FN1: variants seen among roughly 807,000 people sequenced by gnomAD.
The protein encoded by FN1 is fibronectin 1.
FN1 carries 106 observed loss-of-function variants against 297.3 expected under a neutral mutation model. That is an observed-to-expected ratio of 0.36 (90% CI 0.30 to 0.42). FN1 has a LOEUF of 0.42. FN1 is among the 10% of genes least tolerant of loss of function. The probability of loss-of-function intolerance (pLI) is 1.00; values close to 1 mark genes in which losing one functional copy is unlikely to be tolerated. For missense variants in FN1, 2,690 were observed against 3,124.9 expected (o/e 0.86, Z 3.32); for synonymous variants, 1,149 against 1,152.6 (o/e 1.00, Z 0.06).
At chr2:215,380,442 C>A in intron 33 of FN1, 1 of 278,278 alleles carries the variant, frequency 3.6e-6, no homozygotes, top group Non-Finnish European at 6.9e-6. Context: ...TATGAAATGC[C>A]CGAGTTTGGG....
At chr2:215,378,384 C>T (rs2057686024) in intron 34 of FN1, 122 bp from the exon 35 acceptor site, 2 of 697,882 alleles carry the variant, frequency 2.9e-6, no homozygotes, top group African/African-American at 1.8e-5. Flanking sequence ...CAGCAAAACC[C>T]ACAACCTTGA....
At position 215,409,947 on chromosome 2, in the gene FN1, G is replaced by A. The variant is rs767612116; in HGVS notation, c.2109C>T (p.Ser703=). Residue 703 remains serine, a synonymous_variant, in exon 14 of 46, where the codon AGC becomes AGT. Transcript: ENST00000354785. ...TTGTGTACATACTGGTCACAGGTGT[G>A]CTGGTGCTGGTGGTGGTGAAGTCAA... ...TRFDFTTTST[S]TPVTSNTVTG... 5.6e-6 allele frequency: 9 copies of A among 1,613,838 alleles called. No individual in the cohort carries two copies. The South Asian group carries it at 8.8e-5, about 16-fold the overall frequency.
intron 5 of FN1, among the ~76,000 whole-genome samples, chr2:215,429,013 AAAAAC>A (rs202170833): frequency 1.2e-4 from 19 of 152,198 alleles, no homozygotes; most frequent in African/African-American, 3.1e-4. Context: ...AGACTGTCTC[AAAAAC>A]AAAACAAAAC....
rs17514904 is a variant in FN1 at position 215,371,424 on chromosome 2, T to C, written c.6714+485A>G. Among the ~76,000 whole-genome samples, 1,323 of 151,750 alleles carry C rather than the reference T, an allele frequency of 8.7e-3. 12 individuals carry two copies. Among genetic ancestry groups the C allele is most frequent in the South Asian group, 0.016 (79 of 4,812 alleles). On this transcript the variant is annotated intron_variant, in intron 40 of 45. Coordinates refer to ENST00000354785, the MANE Select transcript of FN1 (RefSeq NM_212482.4). Reference sequence around the variant, plus strand: ...GTTCTTCAAGGACAAATCGTAAAGGTAGTGTTTTAGACTTCTGCACACAAA... The same window carrying C: ...GTTCTTCAAGGACAAATCGTAAAGGCAGTGTTTTAGACTTCTGCACACAAA...
chr2:215,381,390 T>C (rs1364867549), intron 32 of FN1: 2 of 416,064 alleles, frequency 4.8e-6, no homozygotes, highest in Non-Finnish European at 8.9e-6. Flanking sequence ...TACAATGTGA[T>C]GTTAGTCTCA....
chr2:215,372,230 A>G lies in FN1; in HGVS notation c.6393T>C (p.Ser2131=). 6.2e-7 allele frequency: 1 copy of G among 1,614,258 alleles called. No individual in the cohort carries two copies. Among genetic ancestry groups the G allele is most frequent in the Non-Finnish European group, 8.5e-7 (1 of 1,180,044 alleles). Residue 2131 remains serine, a synonymous_variant, in exon 40 of 46, where the codon TCT becomes TCC. Transcript: ENST00000354785. ...TGNGIQLPGT[S]GQQPSVGQQM... The stretch of plus-strand genomic sequence containing the variant: ...GTTGCCCAACACTGGGTTGCTGACC[A>G]GAAGTGCCAGGAAGCTGAATACCAT...
In FN1 at chr2:215,391,699, A is replaced by C; in HGVS notation, c.4185T>G (p.Pro1395=). ...DLTNFLVRYS[P]VKNEEDVAEL... ...CTGCAACATCTTCCTCATTTTTCAC[A>C]GGTGAGTAACGCACCAGGAAGTTGG... Residue 1395 remains proline, a synonymous_variant, in exon 26 of 46, where the codon CCT becomes CCG. Coordinates refer to ENST00000354785, the MANE Select transcript of FN1 (RefSeq NM_212482.4). 3.1e-6 allele frequency: 5 copies of C among 1,614,150 alleles called. No individual in the cohort carries two copies. Among genetic ancestry groups the C allele is most frequent in the Non-Finnish European group, 3.4e-6 (4 of 1,179,988 alleles).
chr2:215,389,114 T>A (rs1181993465), intron 26 of FN1, among the ~76,000 whole-genome samples: 2 of 152,130 alleles, frequency 1.3e-5, no homozygotes, highest in Non-Finnish European at 2.9e-5. Flanking sequence ...TTTTATTATT[T>A]TTTCTTTTTG....
Position 215,372,034 on chromosome 2 carries a change from T to A in FN1, c.6589A>T (p.Asn2197Tyr). ...TCTTGTCCTGTAGAGGCATTTGGAT[T>A]GAGTCCCGGACCGTGTGGGTACAGG... ...YHLYPHGPGL[N>Y]PNASTGQEAL... Residue 2197 changes from asparagine (N) to tyrosine (Y), a missense_variant, in exon 40 of 46, where the codon AAT becomes TAT. Asn to Tyr is a moderately radical substitution (Grantham distance 143). Transcript: ENST00000354785. 1 of 1,614,216 alleles carries A rather than the reference T, an allele frequency of 6.2e-7. No individual in the cohort carries two copies. The highest frequency in any genetic ancestry group is 8.5e-7 in the Non-Finnish European group (1 of 1,180,034).
intron 26 of FN1, among the ~76,000 whole-genome samples, chr2:215,390,712 G>A (rs1477301073): frequency 6.6e-6 from 1 of 152,102 alleles, no homozygotes; most frequent in African/African-American, 2.4e-5. Flanking sequence ...GCCCTGGGGT[G>A]GTGGATATGC....
intron 26 of FN1, 53 bp downstream of exon 26, chr2:215,391,579 A>G (rs1465878992): frequency 6.7e-7 from 1 of 1,501,002 alleles, no homozygotes; most frequent in East Asian, 2.3e-5. Flanking sequence ...TTTAGAATTC[A>G]TTTGCTATGC....
At position 215,410,130 on chromosome 2, in the gene FN1, AACACAC is replaced by A. The variant is rs5838511; in HGVS notation, c.1942-22_1942-17del. 59 of 1,422,676 alleles carry A rather than the reference AACACAC, an allele frequency of 4.1e-5. No individual in the cohort carries two copies. Among genetic ancestry groups the A allele is most frequent in the South Asian group, 1.2e-4 (10 of 80,568 alleles). 88.1% of individuals were successfully genotyped at this position (1,422,676 alleles called of 1,614,324 possible). A position where few individuals can be genotyped will look rare whatever the true frequency, so the allele number is the denominator to read the frequency against. On this transcript the variant is annotated splice_polypyrimidine_tract_variant and intron_variant, in intron 13 of 45. Transcript: ENST00000354785. ...CAGAATTTTTCTGAAAATTTAAATT[AACACAC>A]ACACACACACACACACGTGTTTACA... is the stretch of plus-strand genomic sequence containing the variant.
chr2:215,419,435 C>G (rs375583473), intron 11 of FN1, 50 bp from the exon 12 acceptor site: 14 of 1,512,398 alleles, frequency 9.3e-6, no homozygotes, highest in African/African-American at 8.2e-5. Context: ...CTTATAACTA[C>G]GAATTTAATT....
rs1022716034 is a variant in FN1 at position 215,409,713 on chromosome 2, G to T, written c.2149C>A (p.Pro717Thr). 1 of 1,613,990 alleles carries T rather than the reference G, an allele frequency of 6.2e-7. No homozygotes were observed. Among genetic ancestry groups the T allele is most frequent in the Non-Finnish European group, 8.5e-7 (1 of 1,180,006 alleles). ...GAAGTGGCCACAAGAGGAGAAAAGG[G>T]AGTCGTCTCTCCTGTCACGGTGTTG... The part of the protein sequence containing the change: ...TSNTVTGETT[P>T]FSPLVATSES... The change falls in exon 15 of 46, where the codon CCC becomes ACC. Residue 717 changes from proline (P) to threonine (T), a missense_variant. This residue lies in a region of FN1 where 876 missense variants were observed against 1,058.1 expected (regional missense o/e 0.83). Transcript: ENST00000354785.
chr2:215,397,811 CGTG>C lies in FN1; in HGVS notation c.3383_3385del (p.Pro1128del). The stretch of plus-strand genomic sequence containing the variant: ...GCTTCCTGAGTCTGAAGTCACTTCT[CGTG>C]GTGCCTCTCCTCCCTGGCTTGGTCG... On this transcript the variant is annotated inframe_deletion, in exon 22 of 46. Coordinates refer to ENST00000354785, the MANE Select transcript of FN1 (RefSeq NM_212482.4). 6.2e-7 allele frequency: 1 copy of C among 1,614,124 alleles called. No homozygotes were observed. The highest frequency in any genetic ancestry group is 1.1e-5 in the South Asian group (1 of 91,076).
At position 215,386,742 on chromosome 2, in the gene FN1, A is replaced by C. The variant is rs370343584; in HGVS notation, c.4559T>G (p.Val1520Gly). 1.7e-5 allele frequency: 27 copies of C among 1,613,860 alleles called. No homozygotes were observed. The East Asian group carries it at 4.9e-4, about 29-fold the overall frequency. The change falls in exon 28 of 46, where the codon GTT (valine) becomes GGT (glycine). Residue 1520 changes from valine to glycine, a missense_variant. Val to Gly is a moderately radical substitution (Grantham distance 109). Around this residue, in one of 3 missense-constraint regions of FN1, gnomAD observed 1,743 missense variants for 1,945.2 expected, o/e 0.90. Coordinates refer to ENST00000354785, the MANE Select transcript of FN1 (RefSeq NM_212482.4). ...TPGTEYVVSIVALNGREESPL... is the reference protein window; with the variant it reads ...TPGTEYVVSIGALNGREESPL... ...ACTTTCCTCTCTGCCATTAAGAGCAACGATGCTGACCACATACTCTGTGCC... is the reference window on the plus strand; with the variant it reads ...ACTTTCCTCTCTGCCATTAAGAGCACCGATGCTGACCACATACTCTGTGCC...
At chr2:215,391,869 A>G in intron 25 of FN1, 55 bp from the exon 26 acceptor site, 1 of 1,491,366 alleles carries the variant, frequency 6.7e-7, no homozygotes, top group South Asian at 1.1e-5. Context: ...ATTAAAGCTA[A>G]CGAAGTAGCT....
chr2:215,418,372 C>T lies in FN1; in HGVS notation c.1819+870G>A, dbSNP rs185788184. Among the ~76,000 whole-genome samples, 286 of 152,292 alleles carry T rather than the reference C, an allele frequency of 1.9e-3. 1 individual carries two copies. The highest frequency in any genetic ancestry group is 6.5e-3 in the African/African-American group (270 of 41,560). ...GGCCAAGTTGTTCCCATAGCTTGTTCTCTGTCACAGTGAATCTTTTATCAC... is the reference window on the plus strand; with the variant it reads ...GGCCAAGTTGTTCCCATAGCTTGTTTTCTGTCACAGTGAATCTTTTATCAC... On this transcript the variant is annotated intron_variant, in intron 12 of 45. Coordinates refer to ENST00000354785, the MANE Select transcript of FN1 (RefSeq NM_212482.4).
At chr2:215,428,097 G>T in intron 6 of FN1, 83 bp downstream of exon 6, 1 of 1,469,916 alleles carries the variant, frequency 6.8e-7, no homozygotes, top group Non-Finnish European at 9.5e-7. Flanking sequence ...TCCTCAAATG[G>T]CATGTCAAAG....
Sources: allele counts gnomAD v4.1 joint callset (sites outside exome capture counted in the v4.1 genomes callset), GRCh38; gene constraint gnomAD v4.1.1; regional missense constraint gnomAD v4.1.1; transcripts MANE v1.5; gene names NCBI Gene and HGNC (gene_info 2026-07-23, HGNC 2026-07-21).